HNF4G: variants seen among roughly 807,000 people sequenced by gnomAD.
HNF4G encodes the protein hepatocyte nuclear factor 4 gamma, also known as hepatocyte nuclear factor 4-gamma.
A neutral mutation model predicts 50.9 loss-of-function variants in HNF4G; 21 were observed. The observed-to-expected ratio is 0.41, with a 90% CI of 0.29 to 0.59. HNF4G has a LOEUF of 0.59. HNF4G is among the 20% of genes least tolerant of loss of function. The pLI, the probability that HNF4G is intolerant of heterozygous loss-of-function variation, is 0.26. For missense variants in HNF4G, 527 were observed against 559.4 expected (o/e 0.94, Z 0.58); for synonymous variants, 198 against 185.6 (o/e 1.07, Z -0.54).
At chr8:75,517,700 G>A (rs908257423) in intron 2 of HNF4G, among the ~76,000 whole-genome samples, 2 of 152,130 alleles carry the variant, frequency 1.3e-5, no homozygotes. Context: ...CCCCCCTCCT[G>A]GCTGATTTCA....
intron 1 of HNF4G, among the ~76,000 whole-genome samples, chr8:75,453,247 C>T (rs1469916807): frequency 6.6e-6 from 1 of 152,136 alleles, no homozygotes; most frequent in Non-Finnish European, 1.5e-5. Context: ...GGAGTGGGGA[C>T]TTGGAGAACT....
intron 2 of HNF4G, among the ~76,000 whole-genome samples, chr8:75,506,040 A>T (rs983370188): frequency 6.6e-6 from 1 of 151,990 alleles, no homozygotes; most frequent in Admixed American, 6.6e-5. Context: ...AATAAAACTG[A>T]TTTGCATTTT....
At chr8:75,516,001 T>G (rs1183953693) in intron 2 of HNF4G, among the ~76,000 whole-genome samples, 2 of 152,158 alleles carry the variant, frequency 1.3e-5, no homozygotes, top group Non-Finnish European at 2.9e-5. Flanking sequence ...TGACCTCAGG[T>G]GATCTGCCTG....
intron 1 of HNF4G, among the ~76,000 whole-genome samples, chr8:75,461,891 T>C (rs899637073): frequency 7.9e-6 from 1 of 126,286 alleles, no homozygotes; most frequent in Admixed American, 8.4e-5. Context: ...AATAAATATA[T>C]AAATATATAA....
chr8:75,435,789 T>C (rs1811121654), intron 1 of HNF4G, among the ~76,000 whole-genome samples: 1 of 152,072 alleles, frequency 6.6e-6, no homozygotes, highest in Non-Finnish European at 1.5e-5. Flanking sequence ...AGACGGGGTT[T>C]CTCCATGTTA....
chr8:75,425,887 C>T (rs72658086), intron 1 of HNF4G, among the ~76,000 whole-genome samples: 17,875 of 152,076 alleles, frequency 0.12, 1,156 homozygotes, highest in Middle Eastern at 0.18. Flanking sequence ...CTTGACACTC[C>T]TTTCTGACGG....
chr8:75,534,071 T>C (rs1183096429), intron 2 of HNF4G, among the ~76,000 whole-genome samples: 1 of 151,896 alleles, frequency 6.6e-6, no homozygotes, highest in Non-Finnish European at 1.5e-5. Flanking sequence ...TTGCAATAGG[T>C]ACTGGCCCAA....
Position 75,564,981 on chromosome 8 carries a change from A to G in HNF4G, c.*885A>G, listed in dbSNP as rs183958795. ...AAGCCATGTCACTCTGAGAGAACTGATTCTGAGGACAAGTTAGCCATCTAC... is the reference window on the plus strand; with the variant it reads ...AAGCCATGTCACTCTGAGAGAACTGGTTCTGAGGACAAGTTAGCCATCTAC... On this transcript the variant is annotated 3_prime_UTR_variant, in exon 10 of 10. Transcript: ENST00000396423. 3.0e-4 allele frequency: 45 copies of G among 152,318 alleles called. No individual in the cohort carries two copies. Among genetic ancestry groups the G allele is most frequent in the African/African-American group, 1.0e-3 (43 of 41,572 alleles). The allele number at this position is 152,318 out of a possible 1,614,324, so 9.4% of individuals were successfully genotyped here. A position where few individuals can be genotyped will look rare whatever the true frequency, so the allele number is the denominator to read the frequency against.
At chr8:75,411,087 GA>G (rs1310136283) in intron 1 of HNF4G, among the ~76,000 whole-genome samples, 1 of 152,184 alleles carries the variant, frequency 6.6e-6, no homozygotes, top group Non-Finnish European at 1.5e-5. Context: ...GTGAACCAGA[GA>G]GAAATGAAAT....
chr8:75,487,942 A>G (rs1812532565), intron 1 of HNF4G, among the ~76,000 whole-genome samples: 1 of 152,142 alleles, frequency 6.6e-6, no homozygotes, highest in South Asian at 2.1e-4. Context: ...GTGCCAAGCA[A>G]AAGGGGAAAA....
At chr8:75,456,032 C>T (rs1811712093) in intron 1 of HNF4G, among the ~76,000 whole-genome samples, 1 of 152,076 alleles carries the variant, frequency 6.6e-6, no homozygotes, top group African/African-American at 2.4e-5. Flanking sequence ...CATAATTTGA[C>T]TAAGCGGTTA....
intron 1 of HNF4G, among the ~76,000 whole-genome samples, chr8:75,412,769 A>C (rs1006806032): frequency 6.6e-6 from 1 of 152,098 alleles, no homozygotes; most frequent in Non-Finnish European, 1.5e-5. Context: ...ACAGGTTCCA[A>C]ATAAAGTTAA....
intron 2 of HNF4G, among the ~76,000 whole-genome samples, chr8:75,506,556 T>C (rs1585904765): frequency 6.6e-6 from 1 of 152,180 alleles, no homozygotes; most frequent in East Asian, 1.9e-4. Flanking sequence ...CCTGAATTCT[T>C]ACAAGGAGAC....
intron 2 of HNF4G, among the ~76,000 whole-genome samples, chr8:75,527,985 T>A (rs1806227146): frequency 6.6e-6 from 1 of 152,230 alleles, no homozygotes; most frequent in African/African-American, 2.4e-5. Flanking sequence ...TTTGTCTTTC[T>A]GAAATCTTGA....
intron 1 of HNF4G, among the ~76,000 whole-genome samples, chr8:75,434,843 A>C (rs1811099713): frequency 6.6e-6 from 1 of 152,210 alleles, no homozygotes; most frequent in African/African-American, 2.4e-5. Context: ...ACAAAAATAT[A>C]ATTTCTCAAA....
intron 2 of HNF4G, among the ~76,000 whole-genome samples, chr8:75,524,388 G>A (rs991164536): frequency 1.3e-5 from 2 of 152,060 alleles, no homozygotes; most frequent in African/African-American, 2.4e-5. Flanking sequence ...TCCTTAGAAA[G>A]GAACAAAGAC....
intron 1 of HNF4G, among the ~76,000 whole-genome samples, chr8:75,433,262 G>A (rs930850523): frequency 3.3e-5 from 5 of 151,932 alleles, no homozygotes; most frequent in South Asian, 2.1e-4. Context: ...AAAAAAATTA[G>A]CCAGGCATGG....
chr8:75,454,071 C>A, intron 1 of HNF4G, among the ~76,000 whole-genome samples: 1 of 148,174 alleles, frequency 6.7e-6, no homozygotes. Flanking sequence ...CCCTCTCTTC[C>A]TTTCTCCCTC....
chr8:75,422,800 A>AT (rs1367957959), intron 1 of HNF4G, among the ~76,000 whole-genome samples: 98 of 151,970 alleles, frequency 6.4e-4, no homozygotes, highest in Middle Eastern at 3.4e-3. Flanking sequence ...TGCCCCGCTA[A>AT]TTTTTTCTAT....
Sources: gnomAD v4.1 joint callset for allele counts (sites outside exome capture counted in the v4.1 genomes callset) on GRCh38, gnomAD v4.1.1 for gene constraint, MANE v1.5 for transcripts, NCBI Gene and HGNC (gene_info 2026-07-23, HGNC 2026-07-21) for gene names.